Variants in ZNF215 observed in about 807,000 individuals in gnomAD.
ZNF215 encodes the protein BWSCR2-associated zinc finger protein 2.
In ZNF215, 24 loss-of-function variants were observed where a neutral mutation model predicts 27.2. That is an observed-to-expected ratio of 0.88 (90% CI 0.64 to 1.24). The LOEUF is 1.24. Among genes scored for constraint, ZNF215 ranks in the 50% most tolerant of loss-of-function variants. ZNF215 has a pLI of 0.00. For missense variants in ZNF215, 675 were observed against 605.7 expected (o/e 1.11, Z -1.20); for synonymous variants, 210 against 204.0 (o/e 1.03, Z -0.25).
At chr11:6,945,339 G>A (rs965522115) in intron 6 of ZNF215, among the ~76,000 whole-genome samples, 5 of 151,790 alleles carry the variant, frequency 3.3e-5, no homozygotes, top group African/African-American at 1.2e-4. Context: ...AACTTTTCTG[G>A]TCGTTACTGA....
intron 5 of ZNF215, among the ~76,000 whole-genome samples, chr11:6,974,361 T>C (rs985626535): frequency 2.6e-5 from 4 of 152,216 alleles, no homozygotes; most frequent in Non-Finnish European, 5.9e-5. Flanking sequence ...TGGCTTAGGA[T>C]TGACTTGGCC....
chr11:6,975,453 T>C (rs942663279), intron 5 of ZNF215, among the ~76,000 whole-genome samples: 2 of 151,966 alleles, frequency 1.3e-5, no homozygotes, highest in Non-Finnish European at 2.9e-5. Flanking sequence ...TGCTATCCAA[T>C]AGTAGGTCAT....
downstream of ZNF215, among the ~76,000 whole-genome samples, chr11:6,958,969 C>T (rs966554701): frequency 6.6e-6 from 1 of 152,164 alleles, no homozygotes; most frequent in Non-Finnish European, 1.5e-5. Flanking sequence ...GATTGAGGGT[C>T]GGTCTGCCTT....
At chr11:6,979,535 G>C (rs1850905243) in intron 5 of ZNF215, among the ~76,000 whole-genome samples, 1 of 151,940 alleles carries the variant, frequency 6.6e-6, no homozygotes, top group Non-Finnish European at 1.5e-5. Flanking sequence ...AAGCCAAATA[G>C]TCCAATTAAA....
intron 5 of ZNF215, among the ~76,000 whole-genome samples, chr11:6,977,599 G>A (rs1041099562): frequency 1.2e-4 from 18 of 151,898 alleles, no homozygotes; most frequent in Admixed American, 6.6e-4. Context: ...AGGAGATTTG[G>A]ACCCACAGAG....
chr11:6,953,525 A>C (rs1373924681), intron 6 of ZNF215, among the ~76,000 whole-genome samples: 1 of 152,144 alleles, frequency 6.6e-6, no homozygotes. Flanking sequence ...AGTTGATCGC[A>C]TCAGCTCCTG....
chr11:6,986,628 C>T (rs558181074), downstream of ZNF215, among the ~76,000 whole-genome samples: 73 of 152,178 alleles, frequency 4.8e-4, 1 homozygote, highest in South Asian at 0.014. Flanking sequence ...CAACAAACGT[C>T]TAATATCCAG....
downstream of ZNF215, among the ~76,000 whole-genome samples, chr11:6,960,164 C>A (rs1218642451): frequency 1.3e-5 from 2 of 152,090 alleles, no homozygotes; most frequent in Admixed American, 6.6e-5. Flanking sequence ...GGAATAATAA[C>A]ACTCAGTTTT....
At chr11:6,978,008 G>T (rs989293834) in intron 5 of ZNF215, among the ~76,000 whole-genome samples, 1 of 152,182 alleles carries the variant, frequency 6.6e-6, no homozygotes, top group South Asian at 2.1e-4. Context: ...AGCTCACTCT[G>T]TTGGTGAATT....
At chr11:6,974,929 G>A (rs982066351) in intron 5 of ZNF215, among the ~76,000 whole-genome samples, 4 of 148,256 alleles carry the variant, frequency 2.7e-5, no homozygotes, top group Non-Finnish European at 4.5e-5. Flanking sequence ...CCAACACTAT[G>A]TTGAATAGGA....
chr11:6,943,543 C>G lies in ZNF215; in HGVS notation c.617-3C>G, dbSNP rs781529604. 2.5e-6 allele frequency: 4 copies of G among 1,611,620 alleles called. 1 individual carries two copies. In the South Asian group the frequency reaches 3.3e-5, roughly 13 times the overall value. ...TTGTTCTTTTTATTTTCTCCATGAA[C>G]AGCACATCTACTTTCCAAACCATTT... On this transcript the variant is annotated splice_region_variant and splice_polypyrimidine_tract_variant and intron_variant, in intron 5 of 6. Transcript: ENST00000278319.
At chr11:6,932,878 T>G (rs543438795) in intron 3 of ZNF215, among the ~76,000 whole-genome samples, 1 of 152,344 alleles carries the variant, frequency 6.6e-6, no homozygotes, top group Admixed American at 6.5e-5. Flanking sequence ...ACAGTTTGAT[T>G]TGCCAGTTAA....
chr11:6,928,843 T>G (rs1248164365), intron 2 of ZNF215, among the ~76,000 whole-genome samples: 48 of 152,338 alleles, frequency 3.2e-4, no homozygotes, highest in Non-Finnish European at 1.6e-4. Flanking sequence ...AAGAGCTCTC[T>G]CTTGGCTGGT....
intron 6 of ZNF215, among the ~76,000 whole-genome samples, chr11:6,954,197 C>G (rs1226130705): frequency 1.4e-5 from 1 of 73,528 alleles, no homozygotes; most frequent in African/African-American, 4.1e-5. Context: ...CAGGGACCCA[C>G]TTGAGGAGGC....
intron 6 of ZNF215, among the ~76,000 whole-genome samples, chr11:6,951,086 C>G (rs1850036823): frequency 6.6e-6 from 1 of 152,186 alleles, no homozygotes; most frequent in African/African-American, 2.4e-5. Flanking sequence ...ATGAAGCCCA[C>G]TTGATCATGG....
intron 4 of ZNF215, among the ~76,000 whole-genome samples, chr11:6,942,587 T>C (rs898096893): frequency 1.3e-5 from 2 of 152,266 alleles, no homozygotes; most frequent in East Asian, 3.9e-4. Flanking sequence ...ATCTTGCCCA[T>C]TTGATGAGTG....
intron 6 of ZNF215, among the ~76,000 whole-genome samples, chr11:6,947,782 A>G (rs1264328416): frequency 6.6e-6 from 1 of 152,170 alleles, no homozygotes; most frequent in African/African-American, 2.4e-5. Flanking sequence ...AGGAGTTCTT[A>G]TGTTCCATAC....
chr11:6,982,580 A>C (rs1264241937), intron 5 of ZNF215, among the ~76,000 whole-genome samples: 2 of 152,248 alleles, frequency 1.3e-5, no homozygotes, highest in South Asian at 4.1e-4. Context: ...ATGCAATCAA[A>C]CTAGAACTCA....
chr11:6,968,391 A>T (rs1365875708), intron 5 of ZNF215, among the ~76,000 whole-genome samples: 1 of 152,144 alleles, frequency 6.6e-6, no homozygotes, highest in African/African-American at 2.4e-5. Flanking sequence ...GGCCATTTTC[A>T]CAATATTGGT....
Sources: allele counts gnomAD v4.1 joint callset (sites outside exome capture counted in the v4.1 genomes callset), GRCh38; gene constraint gnomAD v4.1.1; transcripts MANE v1.5; gene names NCBI Gene and HGNC (gene_info 2026-07-23, HGNC 2026-07-21).